The following MYH9 variants were observed in gnomAD, a reference collection of about 807,000 sequenced individuals.
MYH9 encodes myosin heavy chain 9.
A neutral mutation model predicts 241.9 loss-of-function variants in MYH9; 29 were observed. The ratio of observed to expected loss-of-function variants is 0.12; its 90% CI spans 0.09 to 0.16. The LOEUF is 0.16. Among genes scored for constraint, MYH9 ranks in the 10% least tolerant of loss-of-function variants. The probability of loss-of-function intolerance (pLI) is 1.00; values close to 1 mark genes in which losing one functional copy is unlikely to be tolerated. For missense variants in MYH9, 1,803 were observed against 2,595.5 expected (o/e 0.69, Z 6.63); for synonymous variants, 1,047 against 1,062.6 (o/e 0.99, Z 0.29).
chr22:36,330,987 G>T lies in MYH9; in HGVS notation c.491-3499C>A, dbSNP rs181431876. ...GTTTTCAGACTTTTCAAAAAGCAGC[G>T]GCAGTCCTTCCTCAGATAAAATCTT... On this transcript the variant is annotated intron_variant, in intron 3 of 40. Coordinates refer to ENST00000216181, the MANE Select transcript of MYH9 (RefSeq NM_002473.6). This position sits in a 1 kb window ranked among gnomAD's most constrained non-coding sequence, Gnocchi z 4.5. Among the ~76,000 whole-genome samples, 1 of 152,098 alleles carries T rather than the reference G, an allele frequency of 6.6e-6. No individual in the cohort carries two copies. The highest frequency in any genetic ancestry group is 2.4e-5 in the African/African-American group (1 of 41,404).
intron 1 of MYH9, among the ~76,000 whole-genome samples, chr22:36,350,086 A>G (rs2017741894): frequency 6.6e-6 from 1 of 152,262 alleles, no homozygotes; most frequent in Admixed American, 6.5e-5. Flanking sequence ...GCCCAAAAAA[A>G]GCACAGAGAA....
At chr22:36,308,713 C>T in intron 15 of MYH9, 1 of 517,416 alleles carries the variant, frequency 1.9e-6, no homozygotes, top group Non-Finnish European at 2.3e-6. Context: ...AAAGCCAAGG[C>T]AAGGGGGGGC....
Position 36,318,234 on chromosome 22 carries a change from G to A in MYH9, c.1200C>T (p.Tyr400=), listed in dbSNP as rs143458435. Residue 400 remains tyrosine (Y), a synonymous_variant, in exon 11 of 41, where the codon TAC becomes TAT. Coordinates refer to ENST00000216181, the MANE Select transcript of MYH9 (RefSeq NM_002473.6). ...GCTCTTTAGTCTGCGCCTTCTGGAC[G>A]TAATCCCGTCCCACCTTGATGCGCG... ...LTPRIKVGRD[Y]VQKAQTKEQA... The A allele has an allele frequency of 1.5e-5, 25 of 1,613,638 alleles. No homozygotes were observed. Among genetic ancestry groups the A allele is most frequent in the South Asian group, 1.1e-4 (10 of 91,088 alleles).
chr22:36,371,508 ATC>A (rs2018089348), intron 1 of MYH9, among the ~76,000 whole-genome samples: 1 of 152,160 alleles, frequency 6.6e-6, no homozygotes, highest in Non-Finnish European at 1.5e-5. Flanking sequence ...CTTGTACTTC[ATC>A]ATAGCAGCCT....
chr22:36,308,701 G>T, intron 15 of MYH9: 2 of 543,718 alleles, frequency 3.7e-6, no homozygotes, highest in Non-Finnish European at 4.4e-6. Context: ...AAGCAGGCAG[G>T]AAAAGCCAAG....
Position 36,288,522 on chromosome 22 carries a change from G to A in MYH9, c.4771-109C>T, listed in dbSNP as rs1459278245. 45 of 1,463,472 alleles carry A rather than the reference G, an allele frequency of 3.1e-5. No homozygotes were observed. Among genetic ancestry groups the A allele is most frequent in the Non-Finnish European group, 1.8e-5 (19 of 1,060,046 alleles). 90.7% of individuals were successfully genotyped at this position (1,463,472 alleles called of 1,614,324 possible). A position where few individuals can be genotyped will look rare whatever the true frequency, so the allele number is the denominator to read the frequency against. ...AGTTCTGCAGGATCCATGGGGCCTC[G>A]GGAAACCAGTGGGGATTACTGACCA... On this transcript the variant is annotated intron_variant, in intron 33 of 40. Coordinates refer to ENST00000216181, the MANE Select transcript of MYH9 (RefSeq NM_002473.6). The surrounding 1 kb of genome is among the most constrained non-coding windows in gnomAD (Gnocchi z 4.8).
At chr22:36,317,695 G>A (rs947989973) in intron 11 of MYH9, among the ~76,000 whole-genome samples, 7 of 152,222 alleles carry the variant, frequency 4.6e-5, no homozygotes, top group East Asian at 1.9e-4. Flanking sequence ...CGCACTGGGC[G>A]GGACCTCCAC....
At chr22:36,365,051 C>T (rs2017990540) in intron 1 of MYH9, 1 of 151,102 alleles carries the variant, frequency 6.6e-6, no homozygotes, top group Non-Finnish European at 1.5e-5. Flanking sequence ...CTCACAGTGC[C>T]ACTGTGATGA....
At chr22:36,349,368 A>C in intron 1 of MYH9, 113 bp from the exon 2 acceptor site, 6 of 788,284 alleles carry the variant, frequency 7.6e-6, no homozygotes, top group African/African-American at 1.7e-5. Context: ...GACACAGTAA[A>C]ACTCTATATA....
At chr22:36,318,057 C>G (rs910281944) in intron 11 of MYH9, 150 bp downstream of exon 11, 12 of 774,198 alleles carry the variant, frequency 1.5e-5, no homozygotes, top group Non-Finnish European at 2.5e-5. Flanking sequence ...TATGCCACCT[C>G]TCTCCGGGTT....
Position 36,318,300 on chromosome 22 carries a change from C to T in MYH9, c.1134G>A (p.Leu378=). The part of the protein sequence containing the change: ...NTAAQKVSHL[L]GINVTDFTRG... ...TGGTGAAATCGGTCACATTGATACC[C>T]AAGAGATGGGACACCTTTTGGGCAG... Residue 378 remains leucine, a synonymous_variant, in exon 11 of 41, where the codon TTG becomes TTA. Transcript: ENST00000216181. The T allele has an allele frequency of 6.2e-7, 1 of 1,614,086 alleles. No individual in the cohort carries two copies. The highest frequency in any genetic ancestry group is 1.1e-5 in the South Asian group (1 of 91,070).
rs2016735854 is a variant in MYH9 at position 36,293,310 on chromosome 22, G to A, written c.4095+19C>T. On this transcript the variant is annotated intron_variant, in intron 30 of 40. Coordinates refer to ENST00000216181, the MANE Select transcript of MYH9 (RefSeq NM_002473.6). This position sits in a 1 kb window ranked among gnomAD's most constrained non-coding sequence, Gnocchi z 5.1. The stretch of plus-strand genomic sequence containing the variant: ...CTCCCCAGCCTGCAGAGTCCGGCCG[G>A]TCCCCCAGGCCTCCAAACCTGGGCA... 6.2e-7 allele frequency: 1 copy of A among 1,613,254 alleles called. No homozygotes were observed.
intron 5 of MYH9, 100 bp downstream of exon 5, chr22:36,326,468 T>C: frequency 1.8e-6 from 2 of 1,112,708 alleles, no homozygotes; most frequent in Non-Finnish European, 1.4e-6. Context: ...CCCCAAAGCA[T>C]CCTCTTGTAA....
At position 36,293,833 on chromosome 22, in the gene MYH9, T is replaced by C. The variant is rs1174428350; in HGVS notation, c.3868A>G (p.Ser1290Gly). The C allele has an allele frequency of 5.6e-6, 9 of 1,613,736 alleles. No individual in the cohort carries two copies. The South Asian group carries it at 9.9e-5, about 18-fold the overall frequency. ...VELDNVTGLL[S>G]QSDSKSSKLT... is the part of the protein sequence containing the mutation. Reference sequence around the variant, plus strand: ...TTGCTGGACTTGCTGTCGGACTGGCTGAGAAGCCCGGTCACGTTGTCCAGC... The same window carrying C: ...TTGCTGGACTTGCTGTCGGACTGGCCGAGAAGCCCGGTCACGTTGTCCAGC... The change falls in exon 29 of 41, where the codon AGC becomes GGC. Residue 1290 changes from serine to glycine, a missense_variant. Coordinates refer to ENST00000216181, the MANE Select transcript of MYH9 (RefSeq NM_002473.6). This position sits in a 1 kb window ranked among gnomAD's most constrained non-coding sequence, Gnocchi z 5.1.
intron 23 of MYH9, among the ~76,000 whole-genome samples, chr22:36,299,522 G>A (rs995867084): frequency 1.2e-4 from 18 of 152,210 alleles, no homozygotes; most frequent in Admixed American, 8.5e-4. Flanking sequence ...CCTGCCCAGC[G>A]GCCACAGCTC....
At chr22:36,325,144 G>A in intron 5 of MYH9, 1 of 757,746 alleles carries the variant, frequency 1.3e-6, no homozygotes, top group Admixed American at 1.8e-5. Context: ...TGGAAAATCG[G>A]GGGTAGGGAG....
Position 36,300,729 on chromosome 22 carries a change from G to T in MYH9, c.2838+122C>A. The T allele has an allele frequency of 9.0e-7, 1 of 1,114,768 alleles. No individual in the cohort carries two copies. Among genetic ancestry groups the T allele is most frequent in the Non-Finnish European group, 1.3e-6 (1 of 759,006 alleles). The allele number at this position is 1,114,768 out of a possible 1,614,324, so 69.1% of individuals were successfully genotyped here. A position where few individuals can be genotyped will look rare whatever the true frequency, so the allele number is the denominator to read the frequency against. On this transcript the variant is annotated intron_variant, in intron 22 of 40. Transcript: ENST00000216181. This position sits in a 1 kb window ranked among gnomAD's most constrained non-coding sequence, Gnocchi z 5.0. ...CACCTCTCACTGAGAGCCCCAAGCA[G>T]ATTGCGTGAGGAGCAGCCTCCTTGG... is the stretch of plus-strand genomic sequence containing the variant.
chr22:36,385,890 G>A (rs566613217), intron 1 of MYH9, among the ~76,000 whole-genome samples: 1 of 152,260 alleles, frequency 6.6e-6, no homozygotes, highest in Admixed American at 6.5e-5. Context: ...CCGCATGCTT[G>A]CCTCAGTTTG....
intron 2 of MYH9, among the ~76,000 whole-genome samples, chr22:36,348,019 T>C (rs2017704461): frequency 6.7e-6 from 1 of 148,322 alleles, no homozygotes; most frequent in South Asian, 2.1e-4. Context: ...TAAAAATATC[T>C]TTTAAAATAT....
Sources: allele counts gnomAD v4.1 joint callset (sites outside exome capture counted in the v4.1 genomes callset), GRCh38; gene constraint gnomAD v4.1.1; non-coding constraint Gnocchi (gnomAD v3.1); transcripts MANE v1.5; gene names NCBI Gene and HGNC (gene_info 2026-07-23, HGNC 2026-07-21).